Variants in TXLNA observed in about 807,000 individuals in gnomAD.
TXLNA encodes the protein alpha-taxilin.
In TXLNA, 9 loss-of-function variants were observed where a neutral mutation model predicts 61.4. The ratio of observed to expected loss-of-function variants is 0.15; its 90% confidence interval spans 0.09 to 0.26. The LOEUF (loss-of-function observed/expected upper bound fraction) is 0.26, where lower values mean the gene tolerates loss of function less well. TXLNA is among the 10% of genes least tolerant of loss of function. TXLNA has a pLI of 1.00. For synonymous variants in TXLNA, 257 were observed against 267.7 expected, an observed-to-expected ratio of 0.96 and a Z score of 0.39; for missense variants, 565 against 688.8, an observed-to-expected ratio of 0.82 and a Z score of 2.01.
In TXLNA at chr1:32,195,455, G is replaced by A. The variant is rs1259200693; in HGVS notation, c.*260G>A. Reference sequence around the variant, plus strand: ...GGGGTGTGTACAGATGAAGTCAGTGGCTTGTCTGTGAGCTGAAGAGTCTTG... The same window carrying A: ...GGGGTGTGTACAGATGAAGTCAGTGACTTGTCTGTGAGCTGAAGAGTCTTG... On this transcript the variant is annotated 3_prime_UTR_variant, in exon 11 of 11. Transcript: ENST00000373610. 3.5e-6 allele frequency: 2 copies of A among 565,560 alleles called. No homozygotes were observed. Among genetic ancestry groups the A allele is most frequent in the Non-Finnish European group, 3.2e-6 (1 of 316,502 alleles). The allele number at this position is 565,560 out of a possible 1,614,324, so 35.0% of individuals were successfully genotyped here. A position where few individuals can be genotyped will look rare whatever the true frequency, so the allele number is the denominator to read the frequency against.
At chr1:32,180,678 G>T (rs1305503089) in intron 2 of TXLNA, among the ~76,000 whole-genome samples, 164 bp downstream of exon 2, 1 of 152,250 alleles carries the variant, frequency 6.6e-6, no homozygotes, top group African/African-American at 2.4e-5. Context: ...CGAGTTGGCG[G>T]AGCTGCCCCC....
At position 32,190,156 on chromosome 1, in the gene TXLNA, G is replaced by A. The variant is rs1199705510; in HGVS notation, c.870G>A (p.Gln290=). ...ATGACATTCAGCTGCAGATGGAACA[G>A]CACAATGAGCGCAACTCCAAGCTGC... is the stretch of plus-strand genomic sequence containing the variant. ...TLNDIQLQME[Q]HNERNSKLRQ... is the part of the protein sequence containing the mutation. The change falls in exon 6 of 11, where the codon CAG becomes CAA. Residue 290 remains glutamine, a synonymous_variant. Coordinates refer to ENST00000373610, the MANE Select transcript of TXLNA (RefSeq NM_175852.4). 2.5e-6 allele frequency: 4 copies of A among 1,599,448 alleles called. No homozygotes were observed. The highest frequency in any genetic ancestry group is 3.4e-6 in the Non-Finnish European group (4 of 1,172,884).
chr1:32,181,121 T>TAA, intron 2 of TXLNA, 121 bp from the exon 3 acceptor site: 256 of 662,152 alleles, frequency 3.9e-4, no homozygotes, highest in South Asian at 5.1e-4. Context: ...TCAGTTTCCA[T>TAA]AAAAAAAAAA....
At chr1:32,184,110 A>G (rs919877572) in intron 3 of TXLNA, among the ~76,000 whole-genome samples, 1 of 152,220 alleles carries the variant, frequency 6.6e-6, no homozygotes, top group African/African-American at 2.4e-5. Context: ...CAAGGAGGCT[A>G]AGATACCTAT....
rs980853237 is a variant in TXLNA at position 32,186,636 on chromosome 1, G to T, written c.598-1318G>T. ...TAGTTATTTTAAAGGAGAGTGGAAG[G>T]ATGGTTGAGTCAATGGATTGGAGGT... is the stretch of plus-strand genomic sequence containing the variant. On this transcript the variant is annotated intron_variant, in intron 4 of 10. Coordinates refer to ENST00000373610, the MANE Select transcript of TXLNA (RefSeq NM_175852.4). Among the ~76,000 whole-genome samples, 5 of 152,144 alleles carry T rather than the reference G, an allele frequency of 3.3e-5. No homozygotes were observed. The South Asian group carries it at 1.0e-3, about 32-fold the overall frequency.
intron 4 of TXLNA, among the ~76,000 whole-genome samples, 193 bp from the exon 5 acceptor site, chr1:32,187,761 T>C (rs1642818265): frequency 1.3e-5 from 2 of 152,064 alleles, no homozygotes; most frequent in Admixed American, 6.6e-5. Context: ...GTCCCTACGG[T>C]GGAGCCTTTG....
rs760504300 is a variant in TXLNA at position 32,195,073 on chromosome 1, G to A, written c.1519G>A (p.Gly507Arg). 1 of 1,614,136 alleles carries A rather than the reference G, an allele frequency of 6.2e-7. No homozygotes were observed. The highest frequency in any genetic ancestry group is 2.2e-5 in the East Asian group (1 of 44,878). ...TDSGPERRPE[G>R]PGAQAPSSPR... ...CAGTGGCCCTGAGAGGAGGCCAGAG[G>A]GGCCTGGGGCTCAAGCACCCAGCTC... The change falls in exon 11 of 11, where the codon GGG becomes AGG. Residue 507 changes from glycine to arginine, a missense_variant. Physicochemically the swap from Gly to Arg is moderately radical, Grantham distance 125. Around this residue, in one of 2 missense-constraint regions of TXLNA, gnomAD observed 373 missense variants for 504.0 expected, o/e 0.74. Coordinates refer to ENST00000373610, the MANE Select transcript of TXLNA (RefSeq NM_175852.4).
intron 8 of TXLNA, 48 bp from the exon 9 acceptor site, chr1:32,193,160 C>T (rs201514894): frequency 6.5e-5 from 83 of 1,279,824 alleles, no homozygotes; most frequent in Non-Finnish European, 1.1e-5. Context: ...GACCAGAGTG[C>T]CTCCCAGAGA....
chr1:32,188,322 T>A (rs1164016061), intron 5 of TXLNA, among the ~76,000 whole-genome samples, 198 bp downstream of exon 5: 1 of 152,186 alleles, frequency 6.6e-6, no homozygotes, highest in Non-Finnish European at 1.5e-5. Context: ...TCCAAAACAT[T>A]ACAATTTCAA....
intron 4 of TXLNA, 105 bp from the exon 5 acceptor site, chr1:32,187,849 G>C: frequency 7.8e-7 from 1 of 1,283,954 alleles, no homozygotes; most frequent in South Asian, 1.5e-5. Flanking sequence ...TGGCCTGAGA[G>C]GGTAAGGGTC....
chr1:32,183,074 GA>G (rs1297835311), intron 3 of TXLNA, among the ~76,000 whole-genome samples: 1 of 151,510 alleles, frequency 6.6e-6, no homozygotes, highest in Admixed American at 6.6e-5. Context: ...CTCAAAAAAA[GA>G]AAAAGGAAAA....
intron 1 of TXLNA, chr1:32,180,042 G>A (rs565538488): frequency 4.3e-6 from 1 of 232,032 alleles, no homozygotes; most frequent in East Asian, 9.6e-5. Context: ...TCCCGCGCCC[G>A]GCCTGCCGCG....
chr1:32,191,255 C>A (rs1474911853), intron 6 of TXLNA, among the ~76,000 whole-genome samples: 1 of 152,182 alleles, frequency 6.6e-6, no homozygotes, highest in Non-Finnish European at 1.5e-5. Context: ...ACAGGGCTGG[C>A]AGAGGACCTG....
rs1642996982 is a variant in TXLNA at position 32,195,388 on chromosome 1, C to T, written c.*193C>T. The T allele has an allele frequency of 1.6e-6, 1 of 612,784 alleles. No homozygotes were observed. Among genetic ancestry groups the T allele is most frequent in the Non-Finnish European group, 2.9e-6 (1 of 347,588 alleles). 38.0% of individuals were successfully genotyped at this position (612,784 alleles called of 1,614,324 possible). A position where few individuals can be genotyped will look rare whatever the true frequency, so the allele number is the denominator to read the frequency against. ...GGCATTTTGCAAGGCCTTGCAAATGCATTTATACCTGTAAGTGTACAGTGG... is the reference window on the plus strand; with the variant it reads ...GGCATTTTGCAAGGCCTTGCAAATGTATTTATACCTGTAAGTGTACAGTGG... On this transcript the variant is annotated 3_prime_UTR_variant, in exon 11 of 11. Coordinates refer to ENST00000373610, the MANE Select transcript of TXLNA (RefSeq NM_175852.4).
chr1:32,187,817 C>T, intron 4 of TXLNA, 137 bp from the exon 5 acceptor site: 1 of 868,734 alleles, frequency 1.2e-6, no homozygotes, highest in South Asian at 2.0e-5. Context: ...ACCGGCACAG[C>T]ATCAGCCCAT....
At chr1:32,187,735 G>A (rs1324617842) in intron 4 of TXLNA, among the ~76,000 whole-genome samples, 1 of 152,158 alleles carries the variant, frequency 6.6e-6, no homozygotes, top group African/African-American at 2.4e-5. Flanking sequence ...TTGCCCTAGT[G>A]AGTTACCATT....
chr1:32,192,522 G>C lies in TXLNA; in HGVS notation c.1083+92G>C. ...TAGCCGGGTTATATGGGAGAAGTCT[G>C]GCCAGACCAGGCACAGATTCCTTGA... On this transcript the variant is annotated intron_variant, in intron 7 of 10. Coordinates refer to ENST00000373610, the MANE Select transcript of TXLNA (RefSeq NM_175852.4). This position sits in a 1 kb window ranked among gnomAD's most constrained non-coding sequence, Gnocchi z 4.2. The C allele has an allele frequency of 6.3e-7, 1 of 1,592,410 alleles. No individual in the cohort carries two copies. The highest frequency in any genetic ancestry group is 8.6e-7 in the Non-Finnish European group (1 of 1,165,508).
chr1:32,184,697 T>G (rs2124140245), intron 4 of TXLNA, 81 bp downstream of exon 4: 2 of 903,626 alleles, frequency 2.2e-6, no homozygotes, highest in Non-Finnish European at 3.5e-6. Flanking sequence ...GGGTGCAGAG[T>G]CAAGTAGGTG....
rs1204918249 is a variant in TXLNA at position 32,197,326 on chromosome 1, G to A, written c.*2131G>A. ...TGCCTGTGGAGGGACTGGAGCTGCT[G>A]GATCCCAGTGTGGTGGTGTAGGAGG... On this transcript the variant is annotated 3_prime_UTR_variant, in exon 11 of 11. Transcript: ENST00000373610. The surrounding 1 kb of genome is among the most constrained non-coding windows in gnomAD (Gnocchi z 4.6). The A allele has an allele frequency of 6.6e-6, 1 of 152,366 alleles. No homozygotes were observed. Among genetic ancestry groups the A allele is most frequent in the Admixed American group, 6.5e-5 (1 of 15,290 alleles). 9.4% of individuals were successfully genotyped at this position (152,366 alleles called of 1,614,324 possible). A position where few individuals can be genotyped will look rare whatever the true frequency, so the allele number is the denominator to read the frequency against.
Sources: allele counts gnomAD v4.1 joint callset (sites outside exome capture counted in the v4.1 genomes callset), GRCh38; gene constraint gnomAD v4.1.1; regional missense constraint gnomAD v4.1.1; non-coding constraint Gnocchi (gnomAD v3.1); transcripts MANE v1.5; gene names NCBI Gene and HGNC (gene_info 2026-07-23, HGNC 2026-07-21).